The following CPSF2 variants were observed in gnomAD, a reference collection of about 807,000 sequenced individuals.
CPSF2 encodes cleavage and polyadenylation specificity factor subunit 2.
Under a neutral mutation model 84.2 loss-of-function variants are expected in CPSF2, and 51 were observed. The observed-to-expected ratio is 0.61, with a 90% CI of 0.48 to 0.77. The LOEUF (loss-of-function observed/expected upper bound fraction) is 0.77. Among genes scored for constraint, CPSF2 ranks in the 30% least tolerant of loss-of-function variants. The pLI, the probability that CPSF2 is intolerant of heterozygous loss-of-function variation, is 0.00. For synonymous variants in CPSF2, 286 were observed against 311.9 expected (o/e 0.92, Z 0.87); for missense variants, 641 against 929.4 (o/e 0.69, Z 4.03).
intron 3 of CPSF2, among the ~76,000 whole-genome samples, chr14:92,132,513 GGTA>G (rs2068945078): frequency 6.6e-6 from 1 of 151,676 alleles, no homozygotes; most frequent in Non-Finnish European, 1.5e-5. Flanking sequence ...GGCTAATGCC[GGTA>G]ATCCCAGCAC....
At chr14:92,161,297 T>C (rs2069368830) in intron 15 of CPSF2, 51 bp downstream of exon 15, 3 of 1,533,718 alleles carry the variant, frequency 2.0e-6, no homozygotes, top group African/African-American at 1.4e-5. Flanking sequence ...TCTGATGTTT[T>C]GTCATTTTGA....
chr14:92,159,248 T>G lies in CPSF2; in HGVS notation c.2087T>G (p.Ile696Ser). Residue 696 changes from isoleucine to serine, a missense_variant, in exon 14 of 16, where the codon ATC becomes AGC. Around this residue, in one of 2 missense-constraint regions of CPSF2, gnomAD observed 430 missense variants for 553.6 expected, o/e 0.78. Coordinates refer to ENST00000298875, the MANE Select transcript of CPSF2 (RefSeq NM_017437.3). ...AAAGAAACAGGTGAAGAAAGTGAGA[T>G]CATTCCTACTTTGGAACCCTTGCCA... is the stretch of plus-strand genomic sequence containing the variant. ...DEKETGEESE[I>S]IPTLEPLPPH... 2 of 1,609,050 alleles carry G rather than the reference T, an allele frequency of 1.2e-6. No individual in the cohort carries two copies. Among genetic ancestry groups the G allele is most frequent in the South Asian group, 1.1e-5 (1 of 90,536 alleles).
chr14:92,143,057 T>A lies in CPSF2; in HGVS notation c.903T>A (p.Asn301Lys). 1 of 1,613,982 alleles carries A rather than the reference T, an allele frequency of 6.2e-7. No individual in the cohort carries two copies. Reference sequence around the variant, plus strand: ...GATGTTTTGAAGACAAAAGAAATAATCCGTTTCAGTTTCGCCATCTCTCTT... The same window carrying A: ...GATGTTTTGAAGACAAAAGAAATAAACCGTTTCAGTTTCGCCATCTCTCTT... The part of the protein sequence containing the change: ...LMRCFEDKRN[N>K]PFQFRHLSLC... Residue 301 changes from asparagine to lysine, a missense_variant, in exon 9 of 16, where the codon AAT becomes AAA. By Grantham distance (94) the Asn-to-Lys change is moderately conservative. This residue lies in a region of CPSF2 where 211 missense variants were observed against 375.7 expected (regional missense o/e 0.56). Coordinates refer to ENST00000298875, the MANE Select transcript of CPSF2 (RefSeq NM_017437.3).
At chr14:92,149,155 A>G (rs183753019) in intron 9 of CPSF2, among the ~76,000 whole-genome samples, 1 of 152,294 alleles carries the variant, frequency 6.6e-6, no homozygotes, top group East Asian at 1.9e-4. Flanking sequence ...CACTGTGCCT[A>G]CATTTGTACT....
Position 92,161,730 on chromosome 14 carries a change from T to A in CPSF2, c.2335T>A (p.Tyr779Asn). ...GATAAGAGACCTTTTATATGAACAA[T>A]ATGCCATTGTATAAAGGACATGATG... ...YRIRDLLYEQ[Y>N]AIV The change falls in exon 16 of 16, where the codon TAT becomes AAT. Residue 779 changes from tyrosine (Y) to asparagine (N), a missense_variant. Coordinates refer to ENST00000298875, the MANE Select transcript of CPSF2 (RefSeq NM_017437.3). The A allele has an allele frequency of 6.4e-7, 1 of 1,569,136 alleles. No individual in the cohort carries two copies. The highest frequency in any genetic ancestry group is 8.7e-7 in the Non-Finnish European group (1 of 1,153,980).
In CPSF2 at chr14:92,166,373, G is replaced by T. The variant is rs914767238; in HGVS notation, c.*4629G>T. 2 of 151,748 alleles carry T rather than the reference G, an allele frequency of 1.3e-5. No individual in the cohort carries two copies. Among genetic ancestry groups the T allele is most frequent in the African/African-American group, 2.4e-5 (1 of 41,290 alleles). The allele number at this position is 151,748 out of a possible 1,614,324, so 9.4% of individuals were successfully genotyped here. ...ATTATTATTTTCTTTTTGAGGCAGG[G>T]TCTCACTCTGTCACGCAGGCTTGTG... On this transcript the variant is annotated 3_prime_UTR_variant, in exon 16 of 16. Transcript: ENST00000298875.
intron 9 of CPSF2, among the ~76,000 whole-genome samples, chr14:92,149,856 C>CA (rs1478406971): frequency 6.6e-6 from 1 of 151,752 alleles, no homozygotes; most frequent in African/African-American, 2.4e-5. Context: ...ATTGTTTCAC[C>CA]ATGTTAACCA....
rs778823369 is a variant in CPSF2, at chr14:92,161,770, C to T, written c.*26C>T. 9 of 1,284,254 alleles carry T rather than the reference C, an allele frequency of 7.0e-6. No individual in the cohort carries two copies. In the African/African-American group the frequency reaches 1.4e-4, roughly 20 times the overall value. 79.6% of individuals were successfully genotyped at this position (1,284,254 alleles called of 1,614,324 possible). On this transcript the variant is annotated 3_prime_UTR_variant, in exon 16 of 16. Coordinates refer to ENST00000298875, the MANE Select transcript of CPSF2 (RefSeq NM_017437.3). ...AGGACATGATGTCAAGAAGTATCTG[C>T]TTGACCTTTCTAAGAAAAAGGGATT...
chr14:92,131,726 C>A (rs2068933732), intron 3 of CPSF2, among the ~76,000 whole-genome samples: 1 of 151,844 alleles, frequency 6.6e-6, no homozygotes, highest in African/African-American at 2.4e-5. Flanking sequence ...ATAATCCCAG[C>A]TACTTGGGAG....
At chr14:92,159,806 A>G (rs1467637239) in intron 14 of CPSF2, among the ~76,000 whole-genome samples, 1 of 151,380 alleles carries the variant, frequency 6.6e-6, no homozygotes, top group Non-Finnish European at 1.5e-5. Context: ...AAGGAATGAC[A>G]TATCTTTAGC....
Position 92,134,045 on chromosome 14 carries a change from C to T in CPSF2, c.184C>T (p.His62Tyr). ...CCAGATTGATGCAGTGCTGTTGTCTCACCCTGATCCTCTCCACCTTGGTGC... is the reference window on the plus strand; with the variant it reads ...CCAGATTGATGCAGTGCTGTTGTCTTACCCTGATCCTCTCCACCTTGGTGC... ...VHQIDAVLLS[H>Y]PDPLHLGALP... Residue 62 changes from histidine to tyrosine, a missense_variant, in exon 4 of 16, where the codon CAC becomes TAC. Physicochemically the swap from His to Tyr is moderately conservative, Grantham distance 83. Around this residue, in one of 2 missense-constraint regions of CPSF2, gnomAD observed 211 missense variants for 375.7 expected, o/e 0.56. Coordinates refer to ENST00000298875, the MANE Select transcript of CPSF2 (RefSeq NM_017437.3). 2 of 1,614,188 alleles carry T rather than the reference C, an allele frequency of 1.2e-6. No homozygotes were observed. The highest frequency in any genetic ancestry group is 1.7e-6 in the Non-Finnish European group (2 of 1,180,034).
intron 9 of CPSF2, among the ~76,000 whole-genome samples, 154 bp downstream of exon 9, chr14:92,143,448 G>T (rs546918313): frequency 6.6e-6 from 1 of 152,098 alleles, no homozygotes; most frequent in Non-Finnish European, 1.5e-5. Context: ...GTGTGCTGTA[G>T]TGCCAGCTAC....
chr14:92,144,336 C>T (rs1351126479), intron 9 of CPSF2, among the ~76,000 whole-genome samples: 1 of 152,318 alleles, frequency 6.6e-6, no homozygotes, highest in East Asian at 1.9e-4. Context: ...GACATCCATT[C>T]CTGCTATCAT....
rs2069500905 is a variant in CPSF2, at chr14:92,170,211, A to G, written c.*8467A>G. ...TCTTATTTGTTAACTATTTTGAAAT[A>G]ATTTTAAACTTACAGAAAAGTAGAA... On this transcript the variant is annotated 3_prime_UTR_variant, in exon 16 of 16. Coordinates refer to ENST00000298875, the MANE Select transcript of CPSF2 (RefSeq NM_017437.3). The G allele has an allele frequency of 6.6e-6, 1 of 152,214 alleles. No individual in the cohort carries two copies. Among genetic ancestry groups the G allele is most frequent in the South Asian group, 2.1e-4 (1 of 4,834 alleles). 9.4% of individuals were successfully genotyped at this position (152,214 alleles called of 1,614,324 possible). A position where few individuals can be genotyped will look rare whatever the true frequency, so the allele number is the denominator to read the frequency against.
intron 3 of CPSF2, 135 bp from the exon 4 acceptor site, chr14:92,133,876 T>C (rs2068966529): frequency 1.2e-6 from 1 of 806,038 alleles, no homozygotes; most frequent in Non-Finnish European, 2.0e-6. Context: ...TCATAGGTAA[T>C]CATAATTTTA....
At chr14:92,148,559 A>T (rs553401529) in intron 9 of CPSF2, among the ~76,000 whole-genome samples, 1 of 151,780 alleles carries the variant, frequency 6.6e-6, no homozygotes, top group East Asian at 1.9e-4. Flanking sequence ...TACTGCATTT[A>T]ATTGTCATAA....
intron 11 of CPSF2, 59 bp from the exon 12 acceptor site, chr14:92,156,416 TCATA>T: frequency 7.4e-7 from 1 of 1,354,214 alleles, no homozygotes; most frequent in Non-Finnish European, 1.0e-6. Flanking sequence ...CACCTACTAG[TCATA>T]TATGTTATGT....
chr14:92,129,057 C>G (rs891199840), intron 2 of CPSF2, among the ~76,000 whole-genome samples: 2 of 152,042 alleles, frequency 1.3e-5, no homozygotes, highest in Non-Finnish European at 2.9e-5. Context: ...TGGGACTAGA[C>G]TATTTGAAAG....
In CPSF2 at chr14:92,134,084, G is replaced by C; in HGVS notation, c.223G>C (p.Val75Leu). 1 of 1,614,160 alleles carries C rather than the reference G, an allele frequency of 6.2e-7. No individual in the cohort carries two copies. The highest frequency in any genetic ancestry group is 8.5e-7 in the Non-Finnish European group (1 of 1,180,020). ...PLHLGALPYA[V>L]GKLGLNCAIY... ...CCACCTTGGTGCCCTCCCGTATGCT[G>C]TCGGAAAGTTGGGTCTGAACTGTGC... Residue 75 changes from valine to leucine, a missense_variant, in exon 4 of 16, where the codon GTC (valine) becomes CTC (leucine). This residue lies in a region of CPSF2 where 211 missense variants were observed against 375.7 expected (regional missense o/e 0.56). Transcript: ENST00000298875.
Sources: allele counts gnomAD v4.1 joint callset (sites outside exome capture counted in the v4.1 genomes callset), GRCh38; gene constraint gnomAD v4.1.1; regional missense constraint gnomAD v4.1.1; transcripts MANE v1.5; gene names NCBI Gene and HGNC (gene_info 2026-07-23, HGNC 2026-07-21).